CCDC68: variants seen among roughly 807,000 people sequenced by gnomAD.
CCDC68 encodes the protein coiled-coil domain containing 68.
A neutral mutation model predicts 47.1 loss-of-function variants in CCDC68; 45 were observed. That is an observed-to-expected ratio of 0.96 (90% CI 0.75 to 1.23). The LOEUF (loss-of-function observed/expected upper bound fraction) is 1.23. CCDC68 is among the 50% of genes most tolerant of loss of function. CCDC68 has a pLI of 0.00. For missense variants in CCDC68, 353 were observed against 373.6 expected (o/e 0.94, Z 0.45); for synonymous variants, 131 against 129.5 (o/e 1.01, Z -0.08).
At chr18:54,920,073 G>T (rs1040104914) in intron 8 of CCDC68, among the ~76,000 whole-genome samples, 2 of 152,088 alleles carry the variant, frequency 1.3e-5, no homozygotes, top group Non-Finnish European at 2.9e-5. Flanking sequence ...ACTGGAATTG[G>T]TTGTACTGTT....
At chr18:54,955,357 G>A (rs72930971) in intron 1 of CCDC68, among the ~76,000 whole-genome samples, 7,447 of 152,084 alleles carry the variant, frequency 0.049, 252 homozygotes, top group Non-Finnish European at 0.07. Context: ...CAGACCTCAA[G>A]TTATTTTGAT....
At chr18:54,925,786 G>T (rs185951794) in intron 8 of CCDC68, among the ~76,000 whole-genome samples, 1 of 152,198 alleles carries the variant, frequency 6.6e-6, no homozygotes, top group Non-Finnish European at 1.5e-5. Context: ...CTGACTATGG[G>T]CCCCCAGTGG....
In CCDC68 at chr18:54,901,928, T is replaced by C. The variant is rs566690972; in HGVS notation, c.*2430A>G. On this transcript the variant is annotated 3_prime_UTR_variant, in exon 12 of 12. Coordinates refer to ENST00000591504, the MANE Select transcript of CCDC68 (RefSeq NM_025214.3). The stretch of plus-strand genomic sequence containing the variant: ...AAAAAAATATTTCAAATGATAATTT[T>C]ATGATAGTGGATATAGGAAACAATC... 6.6e-6 allele frequency: 1 copy of C among 152,306 alleles called. No individual in the cohort carries two copies. The highest frequency in any genetic ancestry group is 6.5e-5 in the Admixed American group (1 of 15,304). The allele number at this position is 152,306 out of a possible 1,614,324, so 9.4% of individuals were successfully genotyped here.
At position 54,902,640 on chromosome 18, in the gene CCDC68, A is replaced by AT. The variant is rs878928414; in HGVS notation, c.*1717dup. ...ATCAACTCATTTCAGCAAAATATTG[A>AT]TTTTATCAGTATTTGTTGTTTCTTA... On this transcript the variant is annotated 3_prime_UTR_variant, in exon 12 of 12. Coordinates refer to ENST00000591504, the MANE Select transcript of CCDC68 (RefSeq NM_025214.3). 5.3e-5 allele frequency: 8 copies of AT among 152,198 alleles called. No homozygotes were observed. The South Asian group carries it at 1.0e-3, about 20-fold the overall frequency. The allele number at this position is 152,198 out of a possible 1,614,324, so 9.4% of individuals were successfully genotyped here.
rs1295316087 is a variant in CCDC68 at position 54,941,020 on chromosome 18, T to C, written c.181A>G (p.Thr61Ala). 3 of 1,610,696 alleles carry C rather than the reference T, an allele frequency of 1.9e-6. No individual in the cohort carries two copies. Among genetic ancestry groups the C allele is most frequent in the African/African-American group, 1.3e-5 (1 of 74,872 alleles). Residue 61 changes from threonine (T) to alanine (A), a missense_variant, in exon 4 of 12, where the codon ACA becomes GCA. By Grantham distance (58) the Thr-to-Ala change is moderately conservative. Transcript: ENST00000591504. ...MFKDEIRHDS[T>A]NHKLDAKHCG... ...ACCTTTGCATCTAGTTTGTGATTTGTACTGTCATGTCTTATTTCATCTTTA... is the reference window on the plus strand; with the variant it reads ...ACCTTTGCATCTAGTTTGTGATTTGCACTGTCATGTCTTATTTCATCTTTA...
chr18:54,921,191 T>C (rs2044053545), intron 8 of CCDC68, among the ~76,000 whole-genome samples: 1 of 151,938 alleles, frequency 6.6e-6, no homozygotes, highest in Non-Finnish European at 1.5e-5. Flanking sequence ...CTGCGGACTA[T>C]TAGAGGGGGA....
chr18:54,913,695 C>T (rs1478233399), intron 10 of CCDC68, among the ~76,000 whole-genome samples: 1 of 151,832 alleles, frequency 6.6e-6, no homozygotes, highest in Non-Finnish European at 1.5e-5. Flanking sequence ...CGCCTGTATT[C>T]CCAGCTACAC....
chr18:54,914,127 C>T (rs1214277695), intron 10 of CCDC68, among the ~76,000 whole-genome samples: 17 of 152,218 alleles, frequency 1.1e-4, no homozygotes, highest in Admixed American at 1.0e-3. Context: ...TTTCCTGACA[C>T]ATCATAAACA....
intron 1 of CCDC68, among the ~76,000 whole-genome samples, chr18:54,946,834 T>TG (rs1453664423): frequency 7.0e-6 from 1 of 142,954 alleles, no homozygotes; most frequent in African/African-American, 2.9e-5. Context: ...GAAAATGAGT[T>TG]TTTTTTTTTT....
chr18:54,943,880 G>A (rs990785532), intron 2 of CCDC68, among the ~76,000 whole-genome samples: 15 of 152,122 alleles, frequency 9.9e-5, no homozygotes, highest in Non-Finnish European at 1.0e-4. Context: ...GTGAAGTCGG[G>A]CATGGTGGCT....
At chr18:54,933,333 G>A (rs528408718) in intron 7 of CCDC68, among the ~76,000 whole-genome samples, 1 of 151,994 alleles carries the variant, frequency 6.6e-6, no homozygotes, top group East Asian at 1.9e-4. Flanking sequence ...TGCCCACCTC[G>A]GCCTCCCAAA....
At chr18:54,906,185 C>CG (rs397768227) in intron 11 of CCDC68, among the ~76,000 whole-genome samples, 1 of 151,594 alleles carries the variant, frequency 6.6e-6, no homozygotes, top group Non-Finnish European at 1.5e-5. Flanking sequence ...AAACTGGACC[C>CG]TGGTTCCAAA....
intron 8 of CCDC68, among the ~76,000 whole-genome samples, chr18:54,923,946 A>T (rs2044104420): frequency 6.6e-6 from 1 of 151,896 alleles, no homozygotes; most frequent in African/African-American, 2.4e-5. Context: ...TGATCTGCCC[A>T]CCTCAGCCTC....
At chr18:54,937,936 T>G in intron 5 of CCDC68, 21 bp downstream of exon 5, 1 of 1,600,520 alleles carries the variant, frequency 6.2e-7, no homozygotes, top group South Asian at 1.1e-5. Flanking sequence ...ACACAAAATT[T>G]GAAACTTCTA....
chr18:54,916,304 A>G (rs1036373133), intron 10 of CCDC68, among the ~76,000 whole-genome samples: 4 of 152,192 alleles, frequency 2.6e-5, no homozygotes, highest in African/African-American at 7.2e-5. Context: ...CCAAAAGAGA[A>G]CAATTGTCTG....
chr18:54,915,391 GA>G (rs2043927912), intron 10 of CCDC68, among the ~76,000 whole-genome samples: 1 of 152,108 alleles, frequency 6.6e-6, no homozygotes, highest in Admixed American at 6.5e-5. Context: ...TAGTGATGTG[GA>G]AAAATGAATG....
At chr18:54,914,706 G>T (rs1234630994) in intron 10 of CCDC68, among the ~76,000 whole-genome samples, 1 of 152,196 alleles carries the variant, frequency 6.6e-6, no homozygotes, top group Non-Finnish European at 1.5e-5. Context: ...GAGAGGTTCT[G>T]TCACATTACT....
chr18:54,955,591 C>G (rs1031840327), intron 1 of CCDC68, among the ~76,000 whole-genome samples: 14 of 152,162 alleles, frequency 9.2e-5, no homozygotes, highest in Non-Finnish European at 1.5e-4. Context: ...TAGCACAAAG[C>G]AAGGTCAGTG....
intron 8 of CCDC68, among the ~76,000 whole-genome samples, chr18:54,921,973 G>T (rs2044068498): frequency 1.3e-5 from 2 of 152,102 alleles, no homozygotes; most frequent in Non-Finnish European, 2.9e-5. Context: ...TAAACAAGCA[G>T]TCCCCTTGTT....
Sources: allele counts gnomAD v4.1 joint callset (sites outside exome capture counted in the v4.1 genomes callset), GRCh38; gene constraint gnomAD v4.1.1; transcripts MANE v1.5; gene names NCBI Gene and HGNC (gene_info 2026-07-23, HGNC 2026-07-21).